BBS9: variants seen among roughly 807,000 people sequenced by gnomAD.
BBS9 encodes the protein Bardet-Biedl syndrome 9.
BBS9 carries 89 observed loss-of-function variants against 117.7 expected under a neutral mutation model. The observed-to-expected ratio is 0.76, with a 90% CI of 0.64 to 0.90. The LOEUF (loss-of-function observed/expected upper bound fraction) is 0.90, where lower values mean the gene tolerates loss of function less well. BBS9 is among the 40% of genes least tolerant of loss of function. BBS9 has a pLI of 0.00. For synonymous variants in BBS9, 379 were observed against 370.9 expected (o/e 1.02, Z -0.25); for missense variants, 982 against 1,042.2 (o/e 0.94, Z 0.80).
At chr7:33,374,413 C>G (rs78628818) in intron 17 of BBS9, among the ~76,000 whole-genome samples, 4 of 151,752 alleles carry the variant, frequency 2.6e-5, no homozygotes, top group Non-Finnish European at 5.9e-5. Flanking sequence ...CCTCATGCCC[C>G]GAGAATAGTT....
chr7:33,261,511 C>G (rs981612366), intron 6 of BBS9, among the ~76,000 whole-genome samples: 3 of 152,200 alleles, frequency 2.0e-5, no homozygotes, highest in Non-Finnish European at 4.4e-5. Flanking sequence ...TAATAATGCT[C>G]TGTGTCTCGA....
chr7:33,150,496 C>T (rs1248674110), intron 2 of BBS9, among the ~76,000 whole-genome samples: 4 of 151,986 alleles, frequency 2.6e-5, no homozygotes. Flanking sequence ...GATACTTAAC[C>T]CCACCTAGAA....
At chr7:33,491,814 G>A (rs528801607) in intron 19 of BBS9, among the ~76,000 whole-genome samples, 11 of 152,200 alleles carry the variant, frequency 7.2e-5, no homozygotes, top group Non-Finnish European at 1.5e-4. Context: ...GAAATTATTG[G>A]GATTGTATAA....
At chr7:33,473,072 T>C (rs1326855682) in intron 19 of BBS9, among the ~76,000 whole-genome samples, 1 of 152,208 alleles carries the variant, frequency 6.6e-6, no homozygotes, top group Non-Finnish European at 1.5e-5. Context: ...GATTCTTCTT[T>C]GAACTTGGGA....
At chr7:33,628,461 T>A (rs1865744204) in intron 21 of BBS9, among the ~76,000 whole-genome samples, 1 of 152,196 alleles carries the variant, frequency 6.6e-6, no homozygotes, top group African/African-American at 2.4e-5. Flanking sequence ...TAAGATTATC[T>A]CAGTAGATGC....
intron 5 of BBS9, among the ~76,000 whole-genome samples, chr7:33,240,409 C>T (rs1005332124): frequency 4.6e-5 from 7 of 152,018 alleles, no homozygotes; most frequent in African/African-American, 1.7e-4. Context: ...AGGCAGGCGC[C>T]ACCATGCCTG....
At chr7:33,342,035 A>G (rs568472839) in intron 11 of BBS9, among the ~76,000 whole-genome samples, 11 of 152,256 alleles carry the variant, frequency 7.2e-5, no homozygotes, top group African/African-American at 1.9e-4. Flanking sequence ...CAATATTTGG[A>G]GTTCATATCA....
intron 9 of BBS9, among the ~76,000 whole-genome samples, chr7:33,274,537 C>G (rs1257462713): frequency 1.3e-5 from 2 of 152,118 alleles, no homozygotes; most frequent in Non-Finnish European, 2.9e-5. Flanking sequence ...TTTTCTAGGT[C>G]ATCAGTATAA....
rs183336588 is a variant in BBS9, at chr7:33,406,313, A to T, written c.2115+18169A>T. ...TGGTGTGGTGCTGAAGAAAATATAT[A>T]TTCTGTTGATTTGGGGTGGAGAGTT... is the stretch of plus-strand genomic sequence containing the variant. On this transcript the variant is annotated intron_variant, in intron 19 of 22. Transcript: ENST00000242067. Among the ~76,000 whole-genome samples the T allele has an allele frequency of 3.3e-5, 5 of 152,240 alleles. No individual in the cohort carries two copies. The East Asian group carries it at 7.7e-4, about 24-fold the overall frequency.
chr7:33,406,996 G>A (rs1830135722), intron 19 of BBS9, among the ~76,000 whole-genome samples: 1 of 148,010 alleles, frequency 6.8e-6, no homozygotes, highest in Admixed American at 6.7e-5. Context: ...TGCTAGATTG[G>A]GGAAGTTCTC....
chr7:33,462,459 T>A (rs1319818911), intron 19 of BBS9, among the ~76,000 whole-genome samples: 1 of 152,106 alleles, frequency 6.6e-6, no homozygotes, highest in Non-Finnish European at 1.5e-5. Context: ...TTATTAGATA[T>A]CAGAAATGTT....
intron 9 of BBS9, among the ~76,000 whole-genome samples, chr7:33,326,775 T>A (rs1812942898): frequency 6.6e-6 from 1 of 151,912 alleles, no homozygotes; most frequent in African/African-American, 2.4e-5. Context: ...AGAAATGTCA[T>A]CTAGGAGCTA....
Position 33,363,953 on chromosome 7 carries a change from A to T in BBS9, c.1694-3814A>T, listed in dbSNP as rs1309270964. Among the ~76,000 whole-genome samples the T allele has an allele frequency of 4.2e-3, 126 of 29,776 alleles. 10 individuals are homozygous for T. Among genetic ancestry groups the T allele is most frequent in the East Asian group, 9.7e-3 (10 of 1,032 alleles). The allele number at this position is 29,776 out of a possible 152,430, so 19.5% of individuals were successfully genotyped here. On this transcript the variant is annotated intron_variant, in intron 16 of 22. Transcript: ENST00000242067. ...ATTTTTATTTTTTTTTTTATTTTTT[A>T]TTTTTTTTTTTTTGAGACGGAGTCT...
chr7:33,540,335 A>G (rs188645085), intron 21 of BBS9, among the ~76,000 whole-genome samples: 4 of 152,368 alleles, frequency 2.6e-5, no homozygotes, highest in East Asian at 1.9e-4. Flanking sequence ...ACAGAAGGAC[A>G]TAAAGGTGGA....
intron 9 of BBS9, among the ~76,000 whole-genome samples, chr7:33,292,777 G>T (rs1272393508): frequency 6.6e-6 from 1 of 152,122 alleles, no homozygotes; most frequent in Non-Finnish European, 1.5e-5. Flanking sequence ...GGAAGCCAAG[G>T]CAGGTGGATC....
At chr7:33,501,681 A>G (rs1359270816) in intron 19 of BBS9, among the ~76,000 whole-genome samples, 1 of 152,188 alleles carries the variant, frequency 6.6e-6, no homozygotes, top group Non-Finnish European at 1.5e-5. Context: ...GAACGTGTGT[A>G]AAAGCATCCT....
At chr7:33,628,431 A>G (rs1031691819) in intron 21 of BBS9, among the ~76,000 whole-genome samples, 1 of 152,226 alleles carries the variant, frequency 6.6e-6, no homozygotes, top group African/African-American at 2.4e-5. Flanking sequence ...CTGTATTAAC[A>G]GAATATGAGA....
At chr7:33,252,125 AG>A (rs959279410) in intron 5 of BBS9, among the ~76,000 whole-genome samples, 1 of 151,670 alleles carries the variant, frequency 6.6e-6, no homozygotes, top group African/African-American at 2.4e-5. Context: ...CAAGAGAGGG[AG>A]GGGGGAGGTG....
At chr7:33,610,215 G>T (rs1424148636), downstream of BBS9, among the ~76,000 whole-genome samples, 3 of 152,060 alleles carry the variant, frequency 2.0e-5, no homozygotes, top group Non-Finnish European at 2.9e-5. Flanking sequence ...TTTCCTCCAT[G>T]GTTGAAATAA....
Sources: allele counts gnomAD v4.1 joint callset (sites outside exome capture counted in the v4.1 genomes callset), GRCh38; gene constraint gnomAD v4.1.1; transcripts MANE v1.5; gene names NCBI Gene and HGNC (gene_info 2026-07-23, HGNC 2026-07-21).